GTF2H1: variants seen among roughly 807,000 people sequenced by gnomAD.
GTF2H1 encodes BTF2 p62.
Under a neutral mutation model 71.2 loss-of-function variants are expected in GTF2H1, and 16 were observed. The observed-to-expected ratio is 0.22, with a 90% CI of 0.15 to 0.34. The LOEUF is 0.34. Ranked by LOEUF, GTF2H1 falls within the 10% of genes least tolerant of loss-of-function variation. The pLI, the probability that GTF2H1 is intolerant of heterozygous loss-of-function variation, is 1.00. For synonymous variants in GTF2H1, 215 were observed against 219.0 expected (o/e 0.98, Z 0.16); for missense variants, 498 against 648.2 (o/e 0.77, Z 2.52).
chr11:18,362,105 G>A (rs1230465819), intron 14 of GTF2H1, among the ~76,000 whole-genome samples: 1 of 152,140 alleles, frequency 6.6e-6, no homozygotes, highest in African/African-American at 2.4e-5. Context: ...TAGCTATATA[G>A]CCTACTATAC....
rs1864526593 is a variant in GTF2H1, at chr11:18,322,669, A to G, written c.-87A>G. Reference sequence around the variant, plus strand: ...CGGCCTCTTCCCAGCAGCGGCTCTAAGAAGCGCAGCGGAACTCGACCGGAT... The same window carrying G: ...CGGCCTCTTCCCAGCAGCGGCTCTAGGAAGCGCAGCGGAACTCGACCGGAT... On this transcript the variant is annotated 5_prime_UTR_variant, in exon 1 of 15. An upstream open reading frame in the 5' UTR loses its in-frame stop. Coordinates refer to ENST00000265963, the MANE Select transcript of GTF2H1 (RefSeq NM_005316.4). The G allele has an allele frequency of 6.6e-6, 1 of 152,138 alleles. No homozygotes were observed. The highest frequency in any genetic ancestry group is 2.1e-4 in the South Asian group (1 of 4,824). 9.4% of individuals were successfully genotyped at this position (152,138 alleles called of 1,614,324 possible).
intron 1 of GTF2H1, among the ~76,000 whole-genome samples, chr11:18,328,706 G>C (rs1263973586): frequency 1.3e-5 from 2 of 150,400 alleles, no homozygotes; most frequent in Non-Finnish European, 3.0e-5. Context: ...CATGCCTGTA[G>C]TCCCGGCTAC....
chr11:18,341,146 T>C (rs1021593686), intron 5 of GTF2H1, 115 bp from the exon 6 acceptor site: 5 of 702,648 alleles, frequency 7.1e-6, no homozygotes, highest in Admixed American at 5.6e-5. Flanking sequence ...ACTTATAGTA[T>C]GTAGAGTTGA....
chr11:18,352,192 T>C, intron 10 of GTF2H1, 137 bp from the exon 11 acceptor site: 1 of 644,770 alleles, frequency 1.6e-6, no homozygotes, highest in Non-Finnish European at 2.8e-6. Context: ...GGGAATTAAA[T>C]TATTTTATTG....
intron 12 of GTF2H1, 115 bp from the exon 13 acceptor site, chr11:18,358,410 G>A: frequency 1.6e-6 from 1 of 612,544 alleles, no homozygotes; most frequent in Non-Finnish European, 2.9e-6. Flanking sequence ...AGCACATCCT[G>A]GTTTGGCATT....
chr11:18,351,513 A>G (rs1865424022), intron 9 of GTF2H1: 1 of 153,464 alleles, frequency 6.5e-6, no homozygotes, highest in South Asian at 2.0e-4. Context: ...TACAACATGT[A>G]AAAGACTGTT....
rs751353602 is a variant in GTF2H1, at chr11:18,347,926, G to C, written c.1053+7G>C. 81 of 1,595,878 alleles carry C rather than the reference G, an allele frequency of 5.1e-5. No homozygotes were observed. The highest frequency in any genetic ancestry group is 6.4e-5 in the Non-Finnish European group (74 of 1,163,560). ...TCAGCCAGCAGTCAAAAGGGTATGGGCAAAAAAATATGAACCATTTGGGGC... is the reference window on the plus strand; with the variant it reads ...TCAGCCAGCAGTCAAAAGGGTATGGCCAAAAAAATATGAACCATTTGGGGC... On this transcript the variant is annotated splice_region_variant and intron_variant, in intron 9 of 14. Coordinates refer to ENST00000265963, the MANE Select transcript of GTF2H1 (RefSeq NM_005316.4).
chr11:18,356,877 C>CTTCCCCAGG (rs1259006486), intron 11 of GTF2H1, among the ~76,000 whole-genome samples: 2 of 147,870 alleles, frequency 1.4e-5, no homozygotes, highest in East Asian at 4.1e-4. Flanking sequence ...GCAGCCTCAA[C>CTTCCCCAGG]TTCCCCAGGC....
At chr11:18,350,615 A>G (rs1025538910) in intron 9 of GTF2H1, among the ~76,000 whole-genome samples, 17 of 152,182 alleles carry the variant, frequency 1.1e-4, no homozygotes, top group African/African-American at 4.1e-4. Context: ...TTCCTGTACC[A>G]TAAAGGGACT....
At chr11:18,333,335 A>T in intron 2 of GTF2H1, 107 bp downstream of exon 2, 1 of 785,424 alleles carries the variant, frequency 1.3e-6, no homozygotes, top group South Asian at 2.1e-5. Flanking sequence ...TCAACTATGT[A>T]GAAATAATTA....
chr11:18,342,699 A>G (rs1316194276), intron 7 of GTF2H1, among the ~76,000 whole-genome samples: 1 of 152,208 alleles, frequency 6.6e-6, no homozygotes, highest in Admixed American at 6.5e-5. Context: ...GCTTAGACTT[A>G]CAACTTAGTA....
chr11:18,355,178 T>C (rs1447981604), intron 11 of GTF2H1, among the ~76,000 whole-genome samples: 1 of 151,708 alleles, frequency 6.6e-6, no homozygotes, highest in Non-Finnish European at 1.5e-5. Flanking sequence ...AGTCTTGCTC[T>C]GTTGCCCAGG....
intron 7 of GTF2H1, 192 bp downstream of exon 7, chr11:18,341,799 C>T (rs529248273): frequency 8.5e-6 from 4 of 468,974 alleles, no homozygotes; most frequent in African/African-American, 8.0e-5. Flanking sequence ...AAATGAAATT[C>T]CTGTGTGAGT....
At chr11:18,327,621 A>G (rs997373605) in intron 1 of GTF2H1, among the ~76,000 whole-genome samples, 1 of 152,210 alleles carries the variant, frequency 6.6e-6, no homozygotes. Context: ...ATTCTAGATG[A>G]TGGAGAATAC....
At chr11:18,342,840 A>G (rs1259309259) in intron 7 of GTF2H1, among the ~76,000 whole-genome samples, 2 of 152,212 alleles carry the variant, frequency 1.3e-5, no homozygotes, top group African/African-American at 4.8e-5. Context: ...AGTTTAAAAC[A>G]TAGACTTTAA....
chr11:18,358,613 T>C lies in GTF2H1; in HGVS notation c.1440T>C (p.Pro480=). 2 of 1,607,156 alleles carry C rather than the reference T, an allele frequency of 1.2e-6. No individual in the cohort carries two copies. Among genetic ancestry groups the C allele is most frequent in the Non-Finnish European group, 1.7e-6 (2 of 1,173,700 alleles). Residue 480 remains proline (P), a synonymous_variant, in exon 13 of 15, where the codon CCT becomes CCC. Coordinates refer to ENST00000265963, the MANE Select transcript of GTF2H1 (RefSeq NM_005316.4). The stretch of plus-strand genomic sequence containing the variant: ...TACGACATTTCTGGTCCTGCTTTCC[T>C]GTTAATACGCCATTCCTAGAAGAAA... The part of the protein sequence containing the change: ...ELLRHFWSCF[P]VNTPFLEEKV...
intron 5 of GTF2H1, among the ~76,000 whole-genome samples, chr11:18,340,284 A>G (rs1472373270): frequency 2.0e-5 from 3 of 148,506 alleles, no homozygotes; most frequent in African/African-American, 5.0e-5. Flanking sequence ...ACAAGACCCT[A>G]TCTCTTTTTT....
intron 9 of GTF2H1, among the ~76,000 whole-genome samples, chr11:18,351,238 T>A (rs569346938): frequency 9.5e-4 from 134 of 141,080 alleles, no homozygotes; most frequent in African/African-American, 3.6e-3. Flanking sequence ...AAAAAAAAAA[T>A]TTTTTAAGCC....
At chr11:18,360,101 CTATT>C (rs1206336646) in intron 13 of GTF2H1, among the ~76,000 whole-genome samples, 2 of 151,858 alleles carry the variant, frequency 1.3e-5, no homozygotes, top group Non-Finnish European at 2.9e-5. Flanking sequence ...GAATGAGTGA[CTATT>C]TAAATGAGTT....
Sources: allele counts gnomAD v4.1 joint callset (sites outside exome capture counted in the v4.1 genomes callset), GRCh38; gene constraint gnomAD v4.1.1; transcripts MANE v1.5; gene names NCBI Gene and HGNC (gene_info 2026-07-23, HGNC 2026-07-21).